GRM8: variants seen among roughly 807,000 people sequenced by gnomAD.
GRM8 encodes the protein metabotropic glutamate receptor 8.
GRM8 carries 47 observed loss-of-function variants against 87.2 expected under a neutral mutation model. The observed-to-expected ratio is 0.54, with a 90% CI of 0.43 to 0.69. GRM8 has a LOEUF of 0.69. Among genes scored for constraint, GRM8 ranks in the 30% least tolerant of loss-of-function variants. The pLI, the probability that GRM8 is intolerant of heterozygous loss-of-function variation, is 0.00. For missense variants in GRM8, 1,019 were observed against 1,139.2 expected (o/e 0.89, Z 1.52); for synonymous variants, 396 against 404.5 (o/e 0.98, Z 0.25).
At chr7:126,715,152 T>C (rs1811581276) in intron 7 of GRM8, among the ~76,000 whole-genome samples, 1 of 152,208 alleles carries the variant, frequency 6.6e-6, no homozygotes, top group Non-Finnish European at 1.5e-5. Context: ...GTTTACAGTA[T>C]TGCACTAAAT....
rs528876706 is a variant in GRM8 at position 127,189,736 on chromosome 7, C to T, written c.510+52959G>A. ...TCTGTCTGGTTCATGAACAACTGAG[C>T]CTTACAGGGTTAAAACTATTCTGTG... On this transcript the variant is annotated intron_variant, in intron 2 of 10. Coordinates refer to ENST00000339582, the MANE Select transcript of GRM8 (RefSeq NM_000845.3). 1.6e-3 allele frequency among the ~76,000 whole-genome samples: 244 copies of T among 152,222 alleles called. 3 individuals carry two copies. The highest frequency in any genetic ancestry group is 5.8e-3 in the African/African-American group (242 of 41,544).
intron 3 of GRM8, among the ~76,000 whole-genome samples, chr7:127,071,500 A>G (rs980648427): frequency 6.6e-5 from 10 of 152,170 alleles, no homozygotes; most frequent in African/African-American, 2.4e-4. Flanking sequence ...TTAATGTAAG[A>G]CCACTTAGAG....
intron 6 of GRM8, among the ~76,000 whole-genome samples, chr7:126,851,100 C>T (rs1407046981): frequency 6.6e-6 from 1 of 152,132 alleles, no homozygotes; most frequent in Admixed American, 6.5e-5. Flanking sequence ...TATTGGGGTA[C>T]ACTTCCCCAT....
intron 5 of GRM8, among the ~76,000 whole-genome samples, chr7:126,903,626 TGTATATGTGTATATATATAG>T (rs1168728441): frequency 0.084 from 8,961 of 106,460 alleles, 674 homozygotes; most frequent in East Asian, 0.21. Flanking sequence ...CATATATATA[TGTATATGTGTATATATATAG>T]GTATATGTGT....
intron 3 of GRM8, among the ~76,000 whole-genome samples, chr7:126,970,474 C>A (rs192133881): frequency 1.7e-4 from 26 of 152,302 alleles, no homozygotes; most frequent in Non-Finnish European, 1.6e-4. Context: ...GCAGCTTCTT[C>A]ACCTCTCTCC....
intron 6 of GRM8, among the ~76,000 whole-genome samples, chr7:126,813,278 C>G (rs1793470388): frequency 6.6e-6 from 1 of 151,962 alleles, no homozygotes; most frequent in African/African-American, 2.4e-5. Flanking sequence ...ATCATTCTGC[C>G]AATAAGCAGG....
chr7:126,862,465 G>A (rs563226391), intron 6 of GRM8, among the ~76,000 whole-genome samples: 16 of 151,964 alleles, frequency 1.1e-4, no homozygotes, highest in South Asian at 2.1e-4. Context: ...CTGTCAGTAA[G>A]TGCTCTTGGA....
At chr7:126,586,850 G>A (rs1024921778) in intron 8 of GRM8, among the ~76,000 whole-genome samples, 24 of 152,010 alleles carry the variant, frequency 1.6e-4, no homozygotes, top group Non-Finnish European at 3.2e-4. Context: ...TAAACTAAAG[G>A]GCTTCTGCAC....
chr7:126,758,707 A>T (rs1817278353), intron 7 of GRM8, among the ~76,000 whole-genome samples: 2 of 152,166 alleles, frequency 1.3e-5, no homozygotes, highest in Non-Finnish European at 2.9e-5. Flanking sequence ...AGATTTTTTA[A>T]ATTAAAATTG....
At chr7:126,991,071 G>A (rs1380236090) in intron 3 of GRM8, among the ~76,000 whole-genome samples, 4 of 152,018 alleles carry the variant, frequency 2.6e-5, no homozygotes, top group African/African-American at 7.2e-5. Flanking sequence ...TAATTGCTAT[G>A]TGGATTAAAT....
intron 3 of GRM8, among the ~76,000 whole-genome samples, chr7:127,015,205 GAA>G (rs1815486929): frequency 9.2e-6 from 1 of 109,178 alleles, no homozygotes; most frequent in Non-Finnish European, 1.8e-5. Flanking sequence ...AGAAGAAGAA[GAA>G]GAAGAAGAAG....
intron 3 of GRM8, among the ~76,000 whole-genome samples, chr7:126,955,705 T>C (rs1808606092): frequency 6.6e-6 from 1 of 152,208 alleles, no homozygotes; most frequent in South Asian, 2.1e-4. Flanking sequence ...CCAATGGGTC[T>C]TTTCCCCTAC....
chr7:126,802,860 C>A (rs1296943018), intron 6 of GRM8, among the ~76,000 whole-genome samples: 6 of 152,296 alleles, frequency 3.9e-5, no homozygotes, highest in African/African-American at 1.4e-4. Context: ...CTGAGAATAT[C>A]ATGGAGACAA....
intron 9 of GRM8, among the ~76,000 whole-genome samples, chr7:126,454,502 T>A (rs2237728): frequency 7.3e-6 from 1 of 136,730 alleles, no homozygotes; most frequent in African/African-American, 3.0e-5. Flanking sequence ...GTTTTAAAAG[T>A]GCTATTTTTT....
chr7:126,597,672 A>G (rs1214283330), intron 8 of GRM8, among the ~76,000 whole-genome samples: 1 of 152,054 alleles, frequency 6.6e-6, no homozygotes, highest in East Asian at 1.9e-4. Context: ...AGCTTCTTTT[A>G]TCCATCTTTG....
At chr7:126,948,848 C>A (rs1807831962) in intron 3 of GRM8, among the ~76,000 whole-genome samples, 2 of 152,204 alleles carry the variant, frequency 1.3e-5, no homozygotes, top group African/African-American at 4.8e-5. Context: ...TGTCCTGAAC[C>A]CAAGAGAAGC....
At chr7:126,831,843 G>A (rs1180489745) in intron 6 of GRM8, among the ~76,000 whole-genome samples, 1 of 152,116 alleles carries the variant, frequency 6.6e-6, no homozygotes, top group African/African-American at 2.4e-5. Flanking sequence ...CTCTGAAACT[G>A]AAACTCTTAT....
chr7:127,015,052 G>GAAC (rs1410077922), intron 3 of GRM8, among the ~76,000 whole-genome samples: 34 of 119,150 alleles, frequency 2.9e-4, no homozygotes, highest in Middle Eastern at 4.3e-3. Flanking sequence ...AGAAGAAGAA[G>GAAC]AAGAAGAAGA....
At chr7:126,883,060 G>GTTC (rs1800165210) in intron 6 of GRM8, among the ~76,000 whole-genome samples, 1 of 152,166 alleles carries the variant, frequency 6.6e-6, no homozygotes, top group African/African-American at 2.4e-5. Flanking sequence ...GTTCTCCTTG[G>GTTC]TCAAGGGGAG....
Sources: gnomAD v4.1 joint callset for allele counts (sites outside exome capture counted in the v4.1 genomes callset) on GRCh38, gnomAD v4.1.1 for gene constraint, MANE v1.5 for transcripts, NCBI Gene and HGNC (gene_info 2026-07-23, HGNC 2026-07-21) for gene names.